Variants in RELL1 observed in about 807,000 individuals in gnomAD.
The protein encoded by RELL1 is RELT like 1, also known as RELT-like protein 1.
Under a neutral mutation model 23.0 loss-of-function variants are expected in RELL1, and 10 were observed. The ratio of observed to expected loss-of-function variants is 0.43; its 90% CI spans 0.27 to 0.74. The LOEUF (loss-of-function observed/expected upper bound fraction) is 0.74, where lower values mean the gene tolerates loss of function less well. RELL1 is among the 30% of genes least tolerant of loss of function. RELL1 has a pLI of 0.19. For synonymous variants in RELL1, 146 were observed against 146.8 expected, an observed-to-expected ratio of 0.99 and a Z score of 0.04; for missense variants, 315 against 364.4, an observed-to-expected ratio of 0.86 and a Z score of 1.10.
At chr4:37,683,137 C>T (rs1009274966) in intron 1 of RELL1, among the ~76,000 whole-genome samples, 1 of 152,130 alleles carries the variant, frequency 6.6e-6, no homozygotes, top group East Asian at 1.9e-4. Context: ...CTTCTGATAA[C>T]CACATGCTTA....
At chr4:37,636,941 C>G (rs1720352710) in intron 4 of RELL1, among the ~76,000 whole-genome samples, 1 of 152,230 alleles carries the variant, frequency 6.6e-6, no homozygotes, top group African/African-American at 2.4e-5. Context: ...TTCTGGTGCT[C>G]TTTAGGGATG....
At position 37,686,365 on chromosome 4, in the gene RELL1, G is replaced by A. The variant is rs999744417; in HGVS notation, c.-78C>T. On this transcript the variant is annotated 5_prime_UTR_variant, in exon 1 of 7. Transcript: ENST00000454158. ...AGGCAGAGCCGCTCCGGAGCCGGCG[G>A]GCTGATCGAGTGGCTGGGCTGGGCC... The A allele has an allele frequency of 5.1e-6, 6 of 1,177,476 alleles. No individual in the cohort carries two copies. The highest frequency in any genetic ancestry group is 4.9e-5 in the African/African-American group (3 of 61,744). The allele number at this position is 1,177,476 out of a possible 1,614,324, so 72.9% of individuals were successfully genotyped here.
At chr4:37,673,186 C>CTTTTTT (rs71189095) in intron 1 of RELL1, among the ~76,000 whole-genome samples, 60,284 of 92,380 alleles carry the variant, frequency 0.65, 21,650 homozygotes, top group Non-Finnish European at 0.71. Flanking sequence ...CTTTTTTTTT[C>CTTTTTT]TTTTTTTTTT....
downstream of RELL1, chr4:37,590,320 G>C (rs766161298): frequency 2.5e-6 from 4 of 1,613,748 alleles, no homozygotes; most frequent in South Asian, 4.4e-5. Context: ...ACAGGGGGAC[G>C]CTGGAGGGGA....
chr4:37,594,600 AT>A (rs1330515441), intron 6 of RELL1, among the ~76,000 whole-genome samples: 6 of 152,328 alleles, frequency 3.9e-5, no homozygotes, highest in African/African-American at 9.6e-5. Flanking sequence ...ATGAAATTAA[AT>A]TTTTTCCCCT....
chr4:37,649,788 A>G (rs1429459750), intron 1 of RELL1, among the ~76,000 whole-genome samples: 1 of 152,224 alleles, frequency 6.6e-6, no homozygotes, highest in Non-Finnish European at 1.5e-5. Flanking sequence ...GTTGTCGTGA[A>G]GTGTCCAGCA....
At chr4:37,626,631 C>A (rs780098499) in intron 6 of RELL1, among the ~76,000 whole-genome samples, 1 of 152,120 alleles carries the variant, frequency 6.6e-6, no homozygotes, top group African/African-American at 2.4e-5. Flanking sequence ...GATATGGAAT[C>A]TTCCTAAGAG....
chr4:37,676,849 CATTTAAAT>C (rs1722037512), intron 1 of RELL1, among the ~76,000 whole-genome samples: 1 of 152,166 alleles, frequency 6.6e-6, no homozygotes, highest in African/African-American at 2.4e-5. Context: ...TTCCTTCCCT[CATTTAAAT>C]ATTTAAATAT....
chr4:37,649,263 C>T lies in RELL1; in HGVS notation c.313+13G>A. 1 of 1,602,434 alleles carries T rather than the reference C, an allele frequency of 6.2e-7. No homozygotes were observed. Among genetic ancestry groups the T allele is most frequent in the Non-Finnish European group, 8.5e-7 (1 of 1,170,466 alleles). On this transcript the variant is annotated intron_variant, in intron 2 of 6. Transcript: ENST00000454158. ...TCTCCTCACCCCCAATAAAAAGAGC[C>T]CTGGTTATTTACCTATCTTTTCAAC...
At chr4:37,628,132 G>A (rs1720012309) in intron 6 of RELL1, among the ~76,000 whole-genome samples, 1 of 151,758 alleles carries the variant, frequency 6.6e-6, no homozygotes, top group African/African-American at 2.4e-5. Flanking sequence ...CCTTTTTCAG[G>A]GCCTATACTT....
chr4:37,670,421 C>T (rs1176597922), intron 1 of RELL1, among the ~76,000 whole-genome samples: 1 of 152,260 alleles, frequency 6.6e-6, no homozygotes, highest in East Asian at 1.9e-4. Flanking sequence ...GAGGCAGAGA[C>T]AGTGCTATGA....
chr4:37,653,792 C>T (rs1172921617), intron 1 of RELL1, among the ~76,000 whole-genome samples: 1 of 152,216 alleles, frequency 6.6e-6, no homozygotes, highest in Admixed American at 6.5e-5. Context: ...GGGGCACTTG[C>T]TCTTGGAACC....
At chr4:37,665,931 G>A (rs1024778720) in intron 1 of RELL1, among the ~76,000 whole-genome samples, 1 of 152,148 alleles carries the variant, frequency 6.6e-6, no homozygotes, top group African/African-American at 2.4e-5. Context: ...AAAAATGGGT[G>A]GTGCTGAGCT....
chr4:37,677,531 TACTA>T (rs1225302522), intron 1 of RELL1, among the ~76,000 whole-genome samples: 2 of 152,154 alleles, frequency 1.3e-5, no homozygotes, highest in Non-Finnish European at 2.9e-5. Context: ...CTACATCAAA[TACTA>T]AAGAAAAACT....
intron 5 of RELL1, among the ~76,000 whole-genome samples, chr4:37,633,389 A>G (rs1720208533): frequency 8.3e-6 from 1 of 120,420 alleles, no homozygotes; most frequent in Non-Finnish European, 1.6e-5. Context: ...AGCTTGGGTG[A>G]CAGAGTGAGA....
intron 6 of RELL1, among the ~76,000 whole-genome samples, chr4:37,626,379 G>A (rs578237133): frequency 1.3e-5 from 2 of 152,294 alleles, no homozygotes; most frequent in South Asian, 2.1e-4. Context: ...TCAGGAGGCT[G>A]TGGCAGGAGA....
chr4:37,652,271 G>T (rs1029723594), intron 1 of RELL1, among the ~76,000 whole-genome samples: 1 of 152,164 alleles, frequency 6.6e-6, no homozygotes, highest in Non-Finnish European at 1.5e-5. Flanking sequence ...TTTGTAAGAG[G>T]TTGCATTCAT....
At chr4:37,604,871 A>T (rs1719135156) in intron 6 of RELL1, among the ~76,000 whole-genome samples, 1 of 112,000 alleles carries the variant, frequency 8.9e-6, no homozygotes, top group African/African-American at 3.8e-5. Flanking sequence ...ACACAGACAC[A>T]CACACACATA....
chr4:37,678,548 C>T (rs534151425), intron 1 of RELL1, among the ~76,000 whole-genome samples: 1 of 152,318 alleles, frequency 6.6e-6, no homozygotes, highest in Admixed American at 6.5e-5. Flanking sequence ...TTTACACAAC[C>T]AGCACCCAGG....
Sources: gnomAD v4.1 joint callset for allele counts (sites outside exome capture counted in the v4.1 genomes callset) on GRCh38, gnomAD v4.1.1 for gene constraint, MANE v1.5 for transcripts, NCBI Gene and HGNC (gene_info 2026-07-23, HGNC 2026-07-21) for gene names.